FGF18: variants seen among roughly 807,000 people sequenced by gnomAD.
FGF18 encodes fibroblast growth factor 18.
In FGF18, 5 loss-of-function variants were observed where a neutral mutation model predicts 23.0. The ratio of observed to expected loss-of-function variants is 0.22; its 90% CI spans 0.11 to 0.46. FGF18 has a LOEUF of 0.46. Among genes scored for constraint, FGF18 ranks in the 20% least tolerant of loss-of-function variants. The pLI is 0.99. For missense variants in FGF18, 180 were observed against 291.6 expected (o/e 0.62, Z 2.79); for synonymous variants, 117 against 118.9 (o/e 0.98, Z 0.10).
chr5:171,442,995 C>G (rs968973075), intron 3 of FGF18, among the ~76,000 whole-genome samples: 2 of 152,250 alleles, frequency 1.3e-5, no homozygotes, highest in Admixed American at 1.3e-4. Flanking sequence ...AATCCTGGTC[C>G]TACTGTGAGA....
At chr5:171,450,175 G>T (rs1428916436) in intron 4 of FGF18, among the ~76,000 whole-genome samples, 1 of 149,818 alleles carries the variant, frequency 6.7e-6, no homozygotes, top group Admixed American at 6.7e-5. Flanking sequence ...TGCCCTGGCT[G>T]ATTATTTGCG....
intron 2 of FGF18, 136 bp downstream of exon 2, chr5:171,420,579 C>A: frequency 2.4e-6 from 2 of 832,422 alleles, no homozygotes; most frequent in East Asian, 2.7e-5. Context: ...TCCCAGGGCG[C>A]GGAAGGGCGG....
intron 4 of FGF18, among the ~76,000 whole-genome samples, chr5:171,454,193 G>C (rs947751778): frequency 1.3e-5 from 2 of 152,172 alleles, no homozygotes; most frequent in African/African-American, 4.8e-5. Flanking sequence ...GAGATAAAGG[G>C]AAGTCCTGGA....
chr5:171,445,531 G>T (rs540244676), intron 3 of FGF18, among the ~76,000 whole-genome samples: 1 of 146,106 alleles, frequency 6.8e-6, no homozygotes, highest in Non-Finnish European at 1.5e-5. Context: ...GCTAATTTTT[G>T]TGGTTTTTTT....
At chr5:171,439,328 C>T (rs754046749) in intron 3 of FGF18, among the ~76,000 whole-genome samples, 1 of 152,200 alleles carries the variant, frequency 6.6e-6, no homozygotes, top group African/African-American at 2.4e-5. Context: ...GAGAGTGGGC[C>T]GCTCCAGGAA....
At chr5:171,443,577 C>T (rs1352422586) in intron 3 of FGF18, among the ~76,000 whole-genome samples, 2 of 119,132 alleles carry the variant, frequency 1.7e-5, no homozygotes, top group African/African-American at 6.5e-5. Context: ...GGTCTCGATT[C>T]CTGATCTTGT....
intron 3 of FGF18, among the ~76,000 whole-genome samples, chr5:171,437,848 G>C (rs956016143): frequency 6.6e-6 from 1 of 152,140 alleles, no homozygotes; most frequent in Admixed American, 6.5e-5. Context: ...AGTACAGGGG[G>C]GTCAGACTCT....
At chr5:171,439,170 G>T (rs1581275058) in intron 3 of FGF18, among the ~76,000 whole-genome samples, 1 of 152,166 alleles carries the variant, frequency 6.6e-6, no homozygotes, top group East Asian at 1.9e-4. Flanking sequence ...GCCCTGCCCA[G>T]GGCTCTTGGC....
At position 171,456,733 on chromosome 5, in the gene FGF18, G is replaced by T. The variant is rs374632508; in HGVS notation, c.552G>T (p.Glu184Asp). 1.9e-6 allele frequency: 3 copies of T among 1,614,058 alleles called. No individual in the cohort carries two copies. The Admixed American group carries it at 5.0e-5, about 27-fold the overall frequency. The change falls in exon 5 of 5, where the codon GAG (glutamate) becomes GAT (aspartate). Residue 184 changes from glutamate to aspartate, a missense_variant. This residue lies in a region of FGF18 where 40 missense variants were observed against 41.4 expected (regional missense o/e 0.97). Transcript: ENST00000274625. The surrounding 1 kb of genome is among the most constrained non-coding windows in gnomAD (Gnocchi z 6.1). Reference protein sequence around the residue: ...FMKRYPKGQPELQKPFKYTTV... With the variant: ...FMKRYPKGQPDLQKPFKYTTV... ...AGCGCTACCCCAAGGGGCAGCCGGA[G>T]CTTCAGAAGCCCTTCAAGTACACGA... is the stretch of plus-strand genomic sequence containing the variant.
At chr5:171,433,321 C>T (rs1235750162) in intron 2 of FGF18, among the ~76,000 whole-genome samples, 1 of 152,194 alleles carries the variant, frequency 6.6e-6, no homozygotes, top group Non-Finnish European at 1.5e-5. Context: ...CAGGGCAGCT[C>T]CCCTTGGGGA....
intron 3 of FGF18, among the ~76,000 whole-genome samples, chr5:171,446,788 C>T (rs1202286177): frequency 3.3e-5 from 5 of 152,096 alleles, no homozygotes; most frequent in Non-Finnish European, 7.4e-5. Context: ...TACTCAAGGT[C>T]ACATAGCCTA....
chr5:171,446,704 G>A (rs1444835261), intron 3 of FGF18, among the ~76,000 whole-genome samples: 1 of 152,138 alleles, frequency 6.6e-6, no homozygotes, highest in African/African-American at 2.4e-5. Context: ...CTAATCCCAA[G>A]GAGAAGGAGA....
At chr5:171,442,010 C>T (rs10067840) in intron 3 of FGF18, among the ~76,000 whole-genome samples, 24,787 of 152,084 alleles carry the variant, frequency 0.16, 2,277 homozygotes, top group South Asian at 0.3. Context: ...GCAGGTCTCC[C>T]AGCTGGGAAT....
At chr5:171,446,610 A>T (rs1772423764) in intron 3 of FGF18, among the ~76,000 whole-genome samples, 1 of 152,110 alleles carries the variant, frequency 6.6e-6, no homozygotes, top group Admixed American at 6.5e-5. Flanking sequence ...CCTTGGGCCT[A>T]CTTGGGGTTG....
intron 3 of FGF18, among the ~76,000 whole-genome samples, chr5:171,445,428 G>A (rs1431668000): frequency 2.0e-5 from 3 of 152,068 alleles, no homozygotes; most frequent in Non-Finnish European, 4.4e-5. Flanking sequence ...GCATGATCTC[G>A]GCTCACTGCA....
chr5:171,439,336 G>A (rs1373419965), intron 3 of FGF18, among the ~76,000 whole-genome samples: 1 of 152,218 alleles, frequency 6.6e-6, no homozygotes, highest in Non-Finnish European at 1.5e-5. Context: ...GCCGCTCCAG[G>A]AATAAGGGAC....
chr5:171,449,601 C>T (rs1464605224), intron 4 of FGF18, among the ~76,000 whole-genome samples: 2 of 151,872 alleles, frequency 1.3e-5, no homozygotes, highest in African/African-American at 2.4e-5. Flanking sequence ...TCTGGGGCAC[C>T]CCGGCTACAT....
In FGF18 at chr5:171,456,475, C is replaced by T; in HGVS notation, c.358-64C>T. On this transcript the variant is annotated intron_variant, in intron 4 of 4. Transcript: ENST00000274625. The surrounding 1 kb of genome is among the most constrained non-coding windows in gnomAD (Gnocchi z 6.1). Reference sequence around the variant, plus strand: ...ATGGTCCTGAATAAAACCTTCCTCGCTGTGCTTTGGCAAGCATAACTGAGT... The same window carrying T: ...ATGGTCCTGAATAAAACCTTCCTCGTTGTGCTTTGGCAAGCATAACTGAGT... The T allele has an allele frequency of 6.6e-7, 1 of 1,519,022 alleles. No individual in the cohort carries two copies. The highest frequency in any genetic ancestry group is 9.0e-7 in the Non-Finnish European group (1 of 1,112,982). The allele number at this position is 1,519,022 out of a possible 1,614,324, so 94.1% of individuals were successfully genotyped here.
At chr5:171,438,052 C>T (rs1370544152) in intron 3 of FGF18, among the ~76,000 whole-genome samples, 2 of 152,094 alleles carry the variant, frequency 1.3e-5, no homozygotes, top group Non-Finnish European at 2.9e-5. Context: ...CTTGGTTTCT[C>T]CTCTGCACAA....
Sources: allele counts gnomAD v4.1 joint callset (sites outside exome capture counted in the v4.1 genomes callset), GRCh38; gene constraint gnomAD v4.1.1; regional missense constraint gnomAD v4.1.1; non-coding constraint Gnocchi (gnomAD v3.1); transcripts MANE v1.5; gene names NCBI Gene and HGNC (gene_info 2026-07-23, HGNC 2026-07-21).